The following TSPAN5 variants were observed in gnomAD, a reference collection of about 807,000 sequenced individuals.
TSPAN5 encodes the protein tetraspanin 5, also known as tetraspanin-5.
TSPAN5 carries 10 observed loss-of-function variants against 37.1 expected under a neutral mutation model. The observed-to-expected ratio is 0.27, with a 90% CI of 0.17 to 0.46. The LOEUF (loss-of-function observed/expected upper bound fraction) is 0.46, where lower values mean the gene tolerates loss of function less well. Ranked by LOEUF, TSPAN5 falls within the 20% of genes least tolerant of loss-of-function variation. TSPAN5 has a pLI of 1.00. For synonymous variants in TSPAN5, 110 were observed against 118.9 expected (o/e 0.93, Z 0.48); for missense variants, 195 against 326.6 (o/e 0.60, Z 3.11).
chr4:98,643,293 G>A lies in TSPAN5; in HGVS notation c.81+14853C>T, dbSNP rs1013024131. On this transcript the variant is annotated intron_variant, in intron 1 of 7. Coordinates refer to ENST00000305798, the MANE Select transcript of TSPAN5 (RefSeq NM_005723.4). ...ACAGGTTATGCCATACAGCCTAGGT[G>A]TGTAGTAGGCTACACACCGTCTATG... Among the ~76,000 whole-genome samples, 3 of 152,126 alleles carry A rather than the reference G, an allele frequency of 2.0e-5. No homozygotes were observed. In the East Asian group the frequency reaches 5.8e-4, roughly 29 times the overall value.
At chr4:98,657,965 G>T (rs1223526626) in intron 1 of TSPAN5, among the ~76,000 whole-genome samples, 181 bp downstream of exon 1, 2 of 152,102 alleles carry the variant, frequency 1.3e-5, no homozygotes, top group Non-Finnish European at 2.9e-5. Context: ...CCCATTCCTC[G>T]AAAGGATTAA....
At chr4:98,634,601 T>C (rs1341721051) in intron 1 of TSPAN5, among the ~76,000 whole-genome samples, 2 of 152,252 alleles carry the variant, frequency 1.3e-5, no homozygotes, top group Non-Finnish European at 2.9e-5. Flanking sequence ...CTTTGTCAGA[T>C]GCTTTGTCCC....
In TSPAN5 at chr4:98,489,856, C is replaced by T. The variant is rs190180871; in HGVS notation, c.133-2972G>A. Reference sequence around the variant, plus strand: ...CCAGGTCAGAGAACAAGAGGCTTGCCGCCACCTTGGAAGCGGCCCGCCACC... The same window carrying T: ...CCAGGTCAGAGAACAAGAGGCTTGCTGCCACCTTGGAAGCGGCCCGCCACC... On this transcript the variant is annotated intron_variant, in intron 2 of 7. Coordinates refer to ENST00000305798, the MANE Select transcript of TSPAN5 (RefSeq NM_005723.4). Among the ~76,000 whole-genome samples, 274 of 152,206 alleles carry T rather than the reference C, an allele frequency of 1.8e-3. 3 individuals carry two copies. The highest frequency in any genetic ancestry group is 6.3e-3 in the African/African-American group (263 of 41,496).
Position 98,473,186 on chromosome 4 carries a change from A to G in TSPAN5, c.742-599T>C, listed in dbSNP as rs892283748. Among the ~76,000 whole-genome samples, 6 of 152,186 alleles carry G rather than the reference A, an allele frequency of 3.9e-5. No individual in the cohort carries two copies. In the East Asian group the frequency reaches 1.2e-3, roughly 29 times the overall value. On this transcript the variant is annotated intron_variant, in intron 7 of 7. Transcript: ENST00000305798. ...AAACACTTTCTCAATTCTTTTGGGT[A>G]CTCCTCTAGGAGTAGAATTGCTGAC...
chr4:98,656,293 C>T (rs1579059645), intron 1 of TSPAN5, among the ~76,000 whole-genome samples: 1 of 152,166 alleles, frequency 6.6e-6, no homozygotes, highest in African/African-American at 2.4e-5. Flanking sequence ...TCCTTACCAC[C>T]CCCTGCTAGG....
intron 1 of TSPAN5, among the ~76,000 whole-genome samples, chr4:98,648,771 G>A (rs1211572935): frequency 3.3e-5 from 5 of 152,208 alleles, no homozygotes; most frequent in South Asian, 2.1e-4. Flanking sequence ...AGGGAGCAAC[G>A]GGAAGGAGAG....
At chr4:98,574,309 G>A (rs1406311) in intron 1 of TSPAN5, 25,775 of 152,016 alleles carry the variant, frequency 0.17, 2,606 homozygotes, top group East Asian at 0.42. Flanking sequence ...AGGGTTCCTC[G>A]TCATAGAGTT....
chr4:98,490,477 C>A (rs1171586562), intron 2 of TSPAN5, among the ~76,000 whole-genome samples: 2 of 152,100 alleles, frequency 1.3e-5, no homozygotes, highest in African/African-American at 2.4e-5. Context: ...TCCACGGAAA[C>A]AACAATCATT....
intron 2 of TSPAN5, among the ~76,000 whole-genome samples, chr4:98,495,734 G>T (rs1753192861): frequency 1.3e-5 from 2 of 151,302 alleles, no homozygotes; most frequent in South Asian, 4.2e-4. Context: ...CTCCAGAAGG[G>T]TTCCACACCA....
intron 1 of TSPAN5, among the ~76,000 whole-genome samples, chr4:98,651,514 A>G (rs1013239932): frequency 6.6e-6 from 1 of 152,200 alleles, no homozygotes; most frequent in African/African-American, 2.4e-5. Context: ...AGAATAGTCC[A>G]GTTTACAGAA....
rs145544594 is a variant in TSPAN5, at chr4:98,491,876, T to TTATA, written c.133-4996_133-4993dup. Among the ~76,000 whole-genome samples the TTATA allele has an allele frequency of 8.4e-3, 1,270 of 151,274 alleles. 20 individuals carry two copies. The highest frequency in any genetic ancestry group is 0.03 in the African/African-American group (1,210 of 40,860). On this transcript the variant is annotated intron_variant, in intron 2 of 7. Coordinates refer to ENST00000305798, the MANE Select transcript of TSPAN5 (RefSeq NM_005723.4). ...CTAGTATATGCCTGCTGAAGAGTAA[T>TTATA]TATAATTAAACCTTGTAGTTGACAA...
intron 1 of TSPAN5, among the ~76,000 whole-genome samples, chr4:98,650,458 T>C (rs183907811): frequency 9.7e-4 from 147 of 152,202 alleles, no homozygotes; most frequent in Non-Finnish European, 1.6e-3. Flanking sequence ...ATTGGTTACA[T>C]ATGGGGAGAT....
intron 1 of TSPAN5, among the ~76,000 whole-genome samples, chr4:98,558,697 C>T (rs941083071): frequency 4.6e-5 from 7 of 152,148 alleles, no homozygotes; most frequent in African/African-American, 1.4e-4. Flanking sequence ...CCAGTTTCTT[C>T]TTCAGCCTTC....
intron 1 of TSPAN5, among the ~76,000 whole-genome samples, chr4:98,545,535 C>CT (rs952473474): frequency 2.1e-3 from 305 of 146,926 alleles, no homozygotes; most frequent in African/African-American, 5.1e-3. Context: ...ACACATAAGA[C>CT]TTTTTTTTTT....
intron 1 of TSPAN5, among the ~76,000 whole-genome samples, chr4:98,571,378 G>T (rs545839082): frequency 1.3e-5 from 2 of 152,024 alleles, no homozygotes; most frequent in African/African-American, 2.4e-5. Context: ...GTTACTGCAG[G>T]GGGGTGGCTG....
chr4:98,576,400 G>A (rs1755237418), intron 1 of TSPAN5, among the ~76,000 whole-genome samples: 1 of 152,118 alleles, frequency 6.6e-6, no homozygotes, highest in Admixed American at 6.5e-5. Flanking sequence ...AAATTAGATT[G>A]TCTGAATATG....
chr4:98,565,849 T>C (rs1251944752), intron 1 of TSPAN5, among the ~76,000 whole-genome samples: 1 of 152,226 alleles, frequency 6.6e-6, no homozygotes, highest in Non-Finnish European at 1.5e-5. Flanking sequence ...GAACAGATGC[T>C]GCTGCAACAA....
At chr4:98,546,497 T>C (rs924996273) in intron 1 of TSPAN5, among the ~76,000 whole-genome samples, 14 of 152,222 alleles carry the variant, frequency 9.2e-5, no homozygotes, top group Admixed American at 2.0e-4. Flanking sequence ...TATCAGACTA[T>C]GGTATATAAG....
rs1753744741 is a variant in TSPAN5, at chr4:98,516,955, C to T, written c.82-9227G>A. Reference sequence around the variant, plus strand: ...AACCAGGGCCATGCCCTTGAACTTCCCAGCCTGCAGAACCATGAGCTAAGT... The same window carrying T: ...AACCAGGGCCATGCCCTTGAACTTCTCAGCCTGCAGAACCATGAGCTAAGT... On this transcript the variant is annotated intron_variant, in intron 1 of 7. Coordinates refer to ENST00000305798, the MANE Select transcript of TSPAN5 (RefSeq NM_005723.4). 2.0e-5 allele frequency among the ~76,000 whole-genome samples: 3 copies of T among 152,154 alleles called. No individual in the cohort carries two copies. In the South Asian group the frequency reaches 6.2e-4, roughly 32 times the overall value.
Sources: allele counts gnomAD v4.1 joint callset (sites outside exome capture counted in the v4.1 genomes callset), GRCh38; gene constraint gnomAD v4.1.1; transcripts MANE v1.5; gene names NCBI Gene and HGNC (gene_info 2026-07-23, HGNC 2026-07-21).